NR3C2: variants seen among roughly 807,000 people sequenced by gnomAD.
The protein encoded by NR3C2 is nuclear receptor subfamily 3 group C member 2.
NR3C2 carries 15 observed loss-of-function variants against 86.4 expected under a neutral mutation model. The observed-to-expected ratio is 0.17, with a 90% CI of 0.12 to 0.27. The LOEUF is 0.27. NR3C2 is among the 10% of genes least tolerant of loss of function. The probability of loss-of-function intolerance (pLI) is 1.00; values close to 1 mark genes in which losing one functional copy is unlikely to be tolerated. For missense variants in NR3C2, 960 were observed against 1,195.6 expected (o/e 0.80, Z 2.91); for synonymous variants, 458 against 450.5 (o/e 1.02, Z -0.21).
intron 4 of NR3C2, among the ~76,000 whole-genome samples, chr4:148,170,909 C>T (rs1304570944): frequency 6.6e-6 from 1 of 152,084 alleles, no homozygotes; most frequent in Non-Finnish European, 1.5e-5. Context: ...CAAGACATGG[C>T]CAAGTACCCT....
chr4:148,424,005 G>A (rs953503992), intron 2 of NR3C2, among the ~76,000 whole-genome samples: 3 of 152,182 alleles, frequency 2.0e-5, no homozygotes, highest in Non-Finnish European at 2.9e-5. Context: ...GAGCCACCAC[G>A]CCCAGCCTAC....
chr4:148,254,477 C>CGTCT (rs1347166719), intron 3 of NR3C2, among the ~76,000 whole-genome samples: 1 of 152,204 alleles, frequency 6.6e-6, no homozygotes, highest in African/African-American at 2.4e-5. Context: ...GAAACCTTCC[C>CGTCT]TGACCTTTCA....
chr4:148,260,154 T>C, intron 2 of NR3C2, 37 bp from the exon 3 acceptor site: 2 of 1,613,100 alleles, frequency 1.2e-6, no homozygotes, highest in Non-Finnish European at 1.7e-6. Flanking sequence ...AACTACACCG[T>C]AAAGGCACAT....
chr4:148,429,661 C>A (rs1749709357), intron 2 of NR3C2, among the ~76,000 whole-genome samples: 1 of 152,146 alleles, frequency 6.6e-6, no homozygotes, highest in South Asian at 2.1e-4. Context: ...ACTCTTAAAA[C>A]TAAAAACAAA....
chr4:148,158,806 G>A (rs1444994531), intron 4 of NR3C2, among the ~76,000 whole-genome samples: 1 of 152,150 alleles, frequency 6.6e-6, no homozygotes, highest in Non-Finnish European at 1.5e-5. Context: ...TTACACACAA[G>A]GCTGTGGTCT....
chr4:148,223,693 A>G (rs1327383019), intron 3 of NR3C2, among the ~76,000 whole-genome samples: 1 of 152,216 alleles, frequency 6.6e-6, no homozygotes, highest in Non-Finnish European at 1.5e-5. Context: ...GGTAGAGCAG[A>G]GATATTTTGA....
At chr4:148,434,428 C>T (rs1408942482) in intron 2 of NR3C2, among the ~76,000 whole-genome samples, 1 of 152,024 alleles carries the variant, frequency 6.6e-6, no homozygotes, top group Admixed American at 6.5e-5. Context: ...TATAAATATA[C>T]CAATTCAAAA....
At chr4:148,366,476 G>GGACTTTTAAAAAAGAA (rs1746141355) in intron 2 of NR3C2, among the ~76,000 whole-genome samples, 1 of 151,338 alleles carries the variant, frequency 6.6e-6, no homozygotes, top group Non-Finnish European at 1.5e-5. Flanking sequence ...TTTTTAAAAA[G>GGACTTTTAAAAAAGAA]TACTCAGCAC....
intron 6 of NR3C2, 52 bp downstream of exon 6, chr4:148,152,417 T>C: frequency 1.3e-6 from 2 of 1,570,490 alleles, no homozygotes; most frequent in Non-Finnish European, 1.8e-6. Flanking sequence ...AAAGAAATCA[T>C]AACGCATAAC....
intron 2 of NR3C2, among the ~76,000 whole-genome samples, chr4:148,302,186 A>G (rs1360516647): frequency 2.0e-5 from 3 of 152,200 alleles, no homozygotes; most frequent in Non-Finnish European, 4.4e-5. Context: ...AACTTGGGAG[A>G]CTGTGACATT....
intron 2 of NR3C2, among the ~76,000 whole-genome samples, chr4:148,379,140 C>T (rs1427647169): frequency 6.6e-6 from 1 of 152,114 alleles, no homozygotes; most frequent in Non-Finnish European, 1.5e-5. Flanking sequence ...AAATTGATCT[C>T]ATAATTATAC....
chr4:148,383,905 G>A (rs528487089), intron 2 of NR3C2, among the ~76,000 whole-genome samples: 23 of 147,220 alleles, frequency 1.6e-4, no homozygotes, highest in Middle Eastern at 3.7e-3. Flanking sequence ...CTGAGATGGT[G>A]CCACTGCACT....
At position 148,241,494 on chromosome 4, in the gene NR3C2, T is replaced by C. The variant is rs547345752; in HGVS notation, c.1897+18484A>G. ...TTCTTTGGCATTCTAGCCTCCTTCC[T>C]GCCCCAGGGCCTTTGCACCGTGCCA... On this transcript the variant is annotated intron_variant, in intron 3 of 8. Coordinates refer to ENST00000358102, the MANE Select transcript of NR3C2 (RefSeq NM_000901.5). Among the ~76,000 whole-genome samples the C allele has an allele frequency of 2.0e-5, 3 of 152,112 alleles. No individual in the cohort carries two copies. The South Asian group carries it at 6.2e-4, about 32-fold the overall frequency.
upstream of NR3C2, chr4:148,442,740 C>T (rs998897202): frequency 8.3e-5 from 82 of 985,274 alleles, no homozygotes; most frequent in Non-Finnish European, 9.6e-5. Flanking sequence ...GCAGCCGCGG[C>T]GGGAGCTTGG....
chr4:148,338,905 T>C (rs977349807), intron 2 of NR3C2, among the ~76,000 whole-genome samples: 1 of 152,130 alleles, frequency 6.6e-6, no homozygotes, highest in African/African-American at 2.4e-5. Flanking sequence ...AACTACAAAA[T>C]AAGTGTTTCC....
At chr4:148,178,686 G>A (rs1335478370) in intron 4 of NR3C2, among the ~76,000 whole-genome samples, 1 of 151,316 alleles carries the variant, frequency 6.6e-6, no homozygotes, top group Non-Finnish European at 1.5e-5. Context: ...AAGGGCAAGG[G>A]GTCAAAGGCA....
chr4:148,383,199 T>C (rs1747088952), intron 2 of NR3C2, among the ~76,000 whole-genome samples: 1 of 152,198 alleles, frequency 6.6e-6, no homozygotes, highest in East Asian at 1.9e-4. Context: ...AAAGTAGCTA[T>C]AACAGGATTT....
intron 4 of NR3C2, among the ~76,000 whole-genome samples, chr4:148,177,998 G>A (rs374931688): frequency 3.9e-5 from 6 of 152,174 alleles, no homozygotes; most frequent in Non-Finnish European, 2.9e-5. Flanking sequence ...GTTTTGGTTC[G>A]TGTGTTTTCA....
chr4:148,123,800 T>C (rs995322873), intron 6 of NR3C2, among the ~76,000 whole-genome samples: 1 of 152,262 alleles, frequency 6.6e-6, no homozygotes, highest in African/African-American at 2.4e-5. Flanking sequence ...AAATCTAGTT[T>C]CTCTCATACA....
Sources: allele counts gnomAD v4.1 joint callset (sites outside exome capture counted in the v4.1 genomes callset), GRCh38; gene constraint gnomAD v4.1.1; transcripts MANE v1.5; gene names NCBI Gene and HGNC (gene_info 2026-07-23, HGNC 2026-07-21).